The following CADPS2 variants were observed in gnomAD, a reference collection of about 807,000 sequenced individuals.
CADPS2 encodes calcium-dependent secretion activator 2.
CADPS2 carries 93 observed loss-of-function variants against 172.5 expected under a neutral mutation model. The ratio of observed to expected loss-of-function variants is 0.54; its 90% CI spans 0.46 to 0.64. The LOEUF is 0.64. Among genes scored for constraint, CADPS2 ranks in the 30% least tolerant of loss-of-function variants. The probability of loss-of-function intolerance (pLI) is 0.00; values close to 1 mark genes in which losing one functional copy is unlikely to be tolerated. For missense variants in CADPS2, 1,420 were observed against 1,565.9 expected (o/e 0.91, Z 1.57); for synonymous variants, 546 against 555.2 (o/e 0.98, Z 0.23).
intron 1 of CADPS2, among the ~76,000 whole-genome samples, chr7:122,876,399 T>C (rs1192983218): frequency 6.6e-6 from 1 of 152,184 alleles, no homozygotes; most frequent in Non-Finnish European, 1.5e-5. Context: ...TCTCACTTTG[T>C]CACCCAGGCT....
intron 1 of CADPS2, among the ~76,000 whole-genome samples, chr7:122,748,138 C>A (rs946308547): frequency 3.9e-5 from 6 of 152,112 alleles, no homozygotes; most frequent in African/African-American, 1.4e-4. Flanking sequence ...AAGAATATAT[C>A]TTGTCATAAC....
intron 19 of CADPS2, among the ~76,000 whole-genome samples, chr7:122,408,695 G>C (rs2046962902): frequency 6.6e-6 from 1 of 152,158 alleles, no homozygotes; most frequent in African/African-American, 2.4e-5. Flanking sequence ...TCAGAGTGCT[G>C]AGATTACTGG....
At chr7:122,629,748 A>G (rs1237727492) in intron 3 of CADPS2, among the ~76,000 whole-genome samples, 1 of 152,134 alleles carries the variant, frequency 6.6e-6, no homozygotes, top group East Asian at 1.9e-4. Context: ...TTAGTGCTAA[A>G]CTATAAAAGT....
chr7:122,534,432 A>C (rs2062045830), intron 8 of CADPS2, among the ~76,000 whole-genome samples: 1 of 152,106 alleles, frequency 6.6e-6, no homozygotes, highest in African/African-American at 2.4e-5. Flanking sequence ...CTAGGCTGAA[A>C]GATATTATGC....
Position 122,615,707 on chromosome 7 carries a change from A to G in CADPS2, c.1105-408T>C, listed in dbSNP as rs994561217. Among the ~76,000 whole-genome samples, 5 of 152,070 alleles carry G rather than the reference A, an allele frequency of 3.3e-5. No individual in the cohort carries two copies. In the South Asian group the frequency reaches 8.3e-4, roughly 25 times the overall value. On this transcript the variant is annotated intron_variant, in intron 5 of 29. Transcript: ENST00000449022. ...AGTACCATATAAAATAATATAGTAT[A>G]TATTATTGGTAAACATTGATACCAT...
chr7:122,476,800 A>G (rs541915807), intron 12 of CADPS2, among the ~76,000 whole-genome samples: 1 of 152,296 alleles, frequency 6.6e-6, no homozygotes, highest in African/African-American at 2.4e-5. Context: ...TTTAAAACAC[A>G]GGCTGTGAAG....
At chr7:122,351,517 C>T (rs772001302) in intron 27 of CADPS2, among the ~76,000 whole-genome samples, 7 of 149,344 alleles carry the variant, frequency 4.7e-5, no homozygotes, top group Non-Finnish European at 8.9e-5. Flanking sequence ...TGACTCCAAA[C>T]TGGGAGTAGA....
At chr7:122,834,727 G>T (rs745900231) in intron 1 of CADPS2, among the ~76,000 whole-genome samples, 1 of 152,194 alleles carries the variant, frequency 6.6e-6, no homozygotes, top group Non-Finnish European at 1.5e-5. Flanking sequence ...AGGCGGCAGC[G>T]AGGCTGGGGG....
rs1350027474 is a variant in CADPS2, at chr7:122,364,751, G to C, written c.3388-3738C>G. 2.7e-5 allele frequency among the ~76,000 whole-genome samples: 4 copies of C among 149,032 alleles called. No homozygotes were observed. The East Asian group carries it at 7.8e-4, about 29-fold the overall frequency. On this transcript the variant is annotated intron_variant, in intron 25 of 29. Transcript: ENST00000449022. ...CAAAAAAAAAAAAAGAGCCCAATAA[G>C]TGTCATTTTGTTTTAATTATTAATG...
At chr7:122,475,718 G>T (rs1391841218) in intron 12 of CADPS2, among the ~76,000 whole-genome samples, 6 of 152,058 alleles carry the variant, frequency 3.9e-5, no homozygotes, top group Non-Finnish European at 7.4e-5. Flanking sequence ...AAGCTGAAGG[G>T]TCTTCAGAAT....
In CADPS2 at chr7:122,447,093, C is replaced by G. The variant is rs1015850022; in HGVS notation, c.2288+4281G>C. ...CCCCACTATAAACAAAATTCCTGTCCCTTCCTTACTTCTAATATAGTAACA... is the reference window on the plus strand; with the variant it reads ...CCCCACTATAAACAAAATTCCTGTCGCTTCCTTACTTCTAATATAGTAACA... On this transcript the variant is annotated intron_variant, in intron 15 of 29. Transcript: ENST00000449022. 2.9e-5 allele frequency among the ~76,000 whole-genome samples: 4 copies of G among 140,302 alleles called. 1 individual carries two copies. The South Asian group carries it at 9.0e-4, about 32-fold the overall frequency. 92.0% of individuals were successfully genotyped at this position (140,302 alleles called of 152,430 possible). A position where few individuals can be genotyped will look rare whatever the true frequency, so the allele number is the denominator to read the frequency against.
chr7:122,809,435 G>A (rs1167243950), intron 1 of CADPS2, among the ~76,000 whole-genome samples: 1 of 145,070 alleles, frequency 6.9e-6, no homozygotes, highest in Non-Finnish European at 1.5e-5. Flanking sequence ...AAAAAATTTA[G>A]GCAGGCATGG....
chr7:122,520,273 G>A (rs534333756), intron 8 of CADPS2, among the ~76,000 whole-genome samples: 7 of 151,764 alleles, frequency 4.6e-5, no homozygotes, highest in African/African-American at 9.7e-5. Context: ...AAGCATTAAC[G>A]CTGCAATGCT....
At position 122,795,382 on chromosome 7, in the gene CADPS2, C is replaced by T. The variant is rs149329230; in HGVS notation, c.340-58314G>A. Among the ~76,000 whole-genome samples the T allele has an allele frequency of 7.9e-3, 1,197 of 152,162 alleles. 8 individuals are homozygous for T. Among genetic ancestry groups the T allele is most frequent in the Non-Finnish European group, 0.013 (877 of 67,990 alleles). The stretch of plus-strand genomic sequence containing the variant: ...GAAGAAATGGATAAATTCCTGGACA[C>T]ATACACCCTCCCAAGACTCAACCAG... On this transcript the variant is annotated intron_variant, in intron 1 of 29. Transcript: ENST00000449022.
chr7:122,377,379 C>G (rs1344027984), intron 25 of CADPS2, among the ~76,000 whole-genome samples: 2 of 152,158 alleles, frequency 1.3e-5, no homozygotes, highest in African/African-American at 4.8e-5. Flanking sequence ...GCAGCCCCAT[C>G]TGCCTTCTCT....
chr7:122,353,250 A>G (rs958235897), intron 27 of CADPS2, among the ~76,000 whole-genome samples: 3 of 152,234 alleles, frequency 2.0e-5, no homozygotes, highest in Non-Finnish European at 4.4e-5. Flanking sequence ...TCGACCCCAT[A>G]TCAAGTCTGT....
intron 8 of CADPS2, among the ~76,000 whole-genome samples, chr7:122,538,139 A>AG (rs1339021637): frequency 9.9e-6 from 1 of 101,188 alleles, no homozygotes; most frequent in Non-Finnish European, 2.1e-5. Context: ...CACTTATACA[A>AG]ATTCAGTAAA....
chr7:122,870,413 G>A (rs1819462212), intron 1 of CADPS2, among the ~76,000 whole-genome samples: 1 of 151,890 alleles, frequency 6.6e-6, no homozygotes, highest in Admixed American at 6.6e-5. Flanking sequence ...TATAATAATT[G>A]TAAATATATG....
intron 8 of CADPS2, among the ~76,000 whole-genome samples, chr7:122,545,546 ATTT>A (rs35888537): frequency 0.029 from 4,291 of 150,458 alleles, 84 homozygotes; most frequent in Middle Eastern, 0.051. Flanking sequence ...AAGCAACTGA[ATTT>A]TTTTTTTAGT....
Sources: gnomAD v4.1 joint callset for allele counts (sites outside exome capture counted in the v4.1 genomes callset) on GRCh38, gnomAD v4.1.1 for gene constraint, MANE v1.5 for transcripts, NCBI Gene and HGNC (gene_info 2026-07-23, HGNC 2026-07-21) for gene names.